Variants in IGDCC4 observed in about 807,000 individuals in gnomAD.
The protein encoded by IGDCC4 is immunoglobulin superfamily DCC subclass member 4, also known as likely ortholog of mouse neighbor of Punc E11.
Under a neutral mutation model 116.6 loss-of-function variants are expected in IGDCC4, and 72 were observed. That is an observed-to-expected ratio of 0.62 (90% confidence interval 0.51 to 0.75). IGDCC4 has a LOEUF of 0.75. Ranked by LOEUF, IGDCC4 falls within the 30% of genes least tolerant of loss-of-function variation. The pLI is 0.00. For synonymous variants in IGDCC4, 709 were observed against 719.9 expected (o/e 0.98, Z 0.24); for missense variants, 1,501 against 1,662.4 (o/e 0.90, Z 1.69).
At chr15:65,399,258 C>T (rs563917678) in intron 5 of IGDCC4, among the ~76,000 whole-genome samples, 14 of 152,032 alleles carry the variant, frequency 9.2e-5, no homozygotes, top group African/African-American at 3.1e-4. Context: ...GTTGTTTAAG[C>T]CCAGGAGTTT....
chr15:65,410,980 G>A (rs1393285815), intron 2 of IGDCC4, 40 bp downstream of exon 2: 8 of 1,528,850 alleles, frequency 5.2e-6, no homozygotes, highest in South Asian at 1.2e-5. Context: ...CCCCAAGTCT[G>A]GGTTTCAGCC....
intron 1 of IGDCC4, among the ~76,000 whole-genome samples, chr15:65,419,352 C>A (rs902249402): frequency 1.3e-5 from 2 of 151,908 alleles, no homozygotes; most frequent in African/African-American, 2.4e-5. Context: ...CAGGTATGAG[C>A]CTGGCCTGAA....
At chr15:65,386,081 A>G in intron 17 of IGDCC4, 22 bp from the exon 18 acceptor site, 1 of 1,423,080 alleles carries the variant, frequency 7.0e-7, no homozygotes, top group South Asian at 1.4e-5. Flanking sequence ...GACGGAAAAC[A>G]AGGCATAGCG....
At chr15:65,418,481 T>C (rs542642853) in intron 1 of IGDCC4, among the ~76,000 whole-genome samples, 2 of 152,304 alleles carry the variant, frequency 1.3e-5, no homozygotes, top group South Asian at 4.1e-4. Flanking sequence ...GGACAGCTTA[T>C]TGGTCCTTGC....
In IGDCC4 at chr15:65,392,276, G is replaced by T; in HGVS notation, c.1980C>A (p.Gly660=). The change falls in exon 11 of 20, where the codon GGC becomes GGA. Residue 660 remains glycine, a synonymous_variant. Transcript: ENST00000352385. ...QPPPHPTQIS[G]YKLYWREVGA... ...CCACCTCCCGCCAATATAGTTTGTA[G>T]CCAGAGATCTGGGTGGGGTGAGGGG... 3 of 1,608,962 alleles carry T rather than the reference G, an allele frequency of 1.9e-6. No homozygotes were observed. The East Asian group carries it at 6.7e-5, about 36-fold the overall frequency.
chr15:65,395,154 A>T lies in IGDCC4; in HGVS notation c.1516T>A (p.Tyr506Asn). The T allele has an allele frequency of 3.7e-6, 6 of 1,613,876 alleles. No homozygotes were observed. Among genetic ancestry groups the T allele is most frequent in the Non-Finnish European group, 5.1e-6 (6 of 1,179,854 alleles). The change falls in exon 8 of 20, where the codon TAC becomes AAC. Residue 506 changes from tyrosine to asparagine, a missense_variant. Coordinates refer to ENST00000352385, the MANE Select transcript of IGDCC4 (RefSeq NM_020962.3). ...GTGCGGCTGGCTCCCAGCTGGGAGT[A>T]GGCCACCACGTAGAACTCATAATCT... ...NTDYEFYVVA[Y>N]SQLGASRTST...
chr15:65,387,329 C>T (rs1485667098), intron 16 of IGDCC4, among the ~76,000 whole-genome samples: 1 of 151,732 alleles, frequency 6.6e-6, no homozygotes, highest in East Asian at 1.9e-4. Flanking sequence ...AGCCACCATG[C>T]CCGACCTCTA....
At chr15:65,398,134 C>T (rs2062944494) in intron 5 of IGDCC4, among the ~76,000 whole-genome samples, 1 of 152,160 alleles carries the variant, frequency 6.6e-6, no homozygotes, top group Non-Finnish European at 1.5e-5. Context: ...AGAAGATATA[C>T]TGGTACATAA....
At chr15:65,420,917 C>T in intron 1 of IGDCC4, among the ~76,000 whole-genome samples, 1 of 152,188 alleles carries the variant, frequency 6.6e-6, no homozygotes, top group East Asian at 1.9e-4. Context: ...AGACTGAAAG[C>T]TTTGCACCAG....
chr15:65,422,711 GC>G, intron 1 of IGDCC4, 81 bp downstream of exon 1: 1 of 1,123,702 alleles, frequency 8.9e-7, no homozygotes, highest in Non-Finnish European at 1.1e-6. Context: ...GCTTGAGCCA[GC>G]CCCGCAGCCC....
chr15:65,416,327 C>T (rs999882227), intron 1 of IGDCC4, among the ~76,000 whole-genome samples: 3 of 151,694 alleles, frequency 2.0e-5, no homozygotes, highest in Admixed American at 1.3e-4. Context: ...TTAGTAGAGA[C>T]GGGGTTTCAC....
chr15:65,397,528 G>T (rs2062939487), intron 5 of IGDCC4, among the ~76,000 whole-genome samples: 1 of 152,070 alleles, frequency 6.6e-6, no homozygotes, highest in Non-Finnish European at 1.5e-5. Flanking sequence ...TCAAAGAAAG[G>T]CACTTCAAAA....
chr15:65,391,921 G>C lies in IGDCC4; in HGVS notation c.2183C>G (p.Ala728Gly). The part of the protein sequence containing the change: ...VAFNKHEDGY[A>G]AVWKGKTEKA... ...CTCCGTCTTGCCCTTCCACACTGCT[G>C]CATAGCCATCCTCATGTTTGTTGAA... Residue 728 changes from alanine (A) to glycine (G), a missense_variant, in exon 12 of 20, where the codon GCA (alanine) becomes GGA (glycine). This residue lies in a region of IGDCC4 where 235 missense variants were observed against 328.0 expected (regional missense o/e 0.72). Coordinates refer to ENST00000352385, the MANE Select transcript of IGDCC4 (RefSeq NM_020962.3). 4 of 1,613,816 alleles carry C rather than the reference G, an allele frequency of 2.5e-6. No individual in the cohort carries two copies. The highest frequency in any genetic ancestry group is 3.4e-6 in the Non-Finnish European group (4 of 1,179,926).
chr15:65,414,427 G>A (rs2063125024), intron 1 of IGDCC4, among the ~76,000 whole-genome samples: 1 of 152,220 alleles, frequency 6.6e-6, no homozygotes, highest in African/African-American at 2.4e-5. Flanking sequence ...CGGGCCACGT[G>A]CTGTGGTGGA....
intron 12 of IGDCC4, among the ~76,000 whole-genome samples, chr15:65,391,673 C>T (rs1159508093): frequency 1.3e-5 from 2 of 152,154 alleles, no homozygotes; most frequent in Admixed American, 6.5e-5. Context: ...GGTGGCAGGC[C>T]TAAGACAGTG....
At chr15:65,396,585 C>T (rs2140208673) in intron 6 of IGDCC4, among the ~76,000 whole-genome samples, 1 of 152,200 alleles carries the variant, frequency 6.6e-6, no homozygotes, top group South Asian at 2.1e-4. Flanking sequence ...CACAACTCCC[C>T]GCTAATCACC....
rs191350199 is a variant in IGDCC4 at position 65,421,670 on chromosome 15, C to G, written c.70+1123G>C. Among the ~76,000 whole-genome samples the G allele has an allele frequency of 9.4e-3, 1,426 of 151,754 alleles. 16 individuals are homozygous for G. The highest frequency in any genetic ancestry group is 0.016 in the Non-Finnish European group (1,085 of 67,836). ...AGCCGCAGCAGCTGGAGAGAAATCC[C>G]CCTCCCCACCCCCACCTCCAAGTCC... On this transcript the variant is annotated intron_variant, in intron 1 of 19. Transcript: ENST00000352385.
At position 65,419,863 on chromosome 15, in the gene IGDCC4, C is replaced by T. The variant is rs141619576; in HGVS notation, c.70+2930G>A. 1.2e-3 allele frequency among the ~76,000 whole-genome samples: 185 copies of T among 152,356 alleles called. 5 individuals carry two copies. The East Asian group carries it at 0.033, about 27-fold the overall frequency. On this transcript the variant is annotated intron_variant, in intron 1 of 19. Transcript: ENST00000352385. ...GGGGTCCCAGTCCCTGACTCAAGAACAGTGTTGGGAGGAGATGGGCAGGCA... is the reference window on the plus strand; with the variant it reads ...GGGGTCCCAGTCCCTGACTCAAGAATAGTGTTGGGAGGAGATGGGCAGGCA...
chr15:65,386,665 G>T lies in IGDCC4; in HGVS notation c.2846-9C>A, dbSNP rs775912975. ...GTGCATGTCCAGCGAGTCTGGTGGG[G>T]GAGAGAGAGGCACAGAGCAGGTCAG... On this transcript the variant is annotated splice_polypyrimidine_tract_variant and intron_variant, in intron 16 of 19. Transcript: ENST00000352385. 3.7e-6 allele frequency: 6 copies of T among 1,604,664 alleles called. No homozygotes were observed. Among genetic ancestry groups the T allele is most frequent in the Non-Finnish European group, 5.1e-6 (6 of 1,175,952 alleles).
Sources: allele counts gnomAD v4.1 joint callset (sites outside exome capture counted in the v4.1 genomes callset), GRCh38; gene constraint gnomAD v4.1.1; regional missense constraint gnomAD v4.1.1; transcripts MANE v1.5; gene names NCBI Gene and HGNC (gene_info 2026-07-23, HGNC 2026-07-21).